Variants in KCNK1 observed in about 807,000 individuals in gnomAD.
KCNK1 encodes potassium channel subfamily K member 1.
In KCNK1, 10 loss-of-function variants were observed where a neutral mutation model predicts 22.2. The observed-to-expected ratio is 0.45, with a 90% CI of 0.28 to 0.76. The LOEUF (loss-of-function observed/expected upper bound fraction) is 0.76, where lower values mean the gene tolerates loss of function less well. Among genes scored for constraint, KCNK1 ranks in the 30% least tolerant of loss-of-function variants. KCNK1 has a pLI of 0.14. For missense variants in KCNK1, 378 were observed against 421.0 expected (o/e 0.90, Z 0.89); for synonymous variants, 200 against 186.4 (o/e 1.07, Z -0.60).
intron 1 of KCNK1, among the ~76,000 whole-genome samples, chr1:233,617,474 A>T (rs530153525): frequency 8.5e-5 from 13 of 152,358 alleles, no homozygotes; most frequent in African/African-American, 3.1e-4. Context: ...ATAAAATGCA[A>T]ATTAACAAGA....
chr1:233,659,580 A>G (rs1321137752), intron 1 of KCNK1, among the ~76,000 whole-genome samples: 1 of 151,426 alleles, frequency 6.6e-6, no homozygotes, highest in Non-Finnish European at 1.5e-5. Flanking sequence ...ATATACATAC[A>G]CTATAATCGT....
intron 1 of KCNK1, among the ~76,000 whole-genome samples, chr1:233,662,238 C>CTTCTTCTT (rs1658406798): frequency 6.7e-6 from 1 of 149,460 alleles, no homozygotes. Context: ...TTCTTCTTCT[C>CTTCTTCTT]CTTCTTCTTC....
chr1:233,619,921 G>A (rs1281356985), intron 1 of KCNK1, among the ~76,000 whole-genome samples: 1 of 140,242 alleles, frequency 7.1e-6, no homozygotes, highest in Admixed American at 7.0e-5. Context: ...TAAGCGAGGG[G>A]GGCGGGGGGG....
intron 1 of KCNK1, among the ~76,000 whole-genome samples, chr1:233,631,995 C>G (rs1657805891): frequency 6.6e-6 from 1 of 152,184 alleles, no homozygotes; most frequent in South Asian, 2.1e-4. Flanking sequence ...CCCTGGAAGT[C>G]AGTTGGACAG....
intron 1 of KCNK1, among the ~76,000 whole-genome samples, chr1:233,655,517 T>C (rs1658276149): frequency 6.6e-6 from 1 of 152,148 alleles, no homozygotes; most frequent in Non-Finnish European, 1.5e-5. Flanking sequence ...AGGGGTAGAA[T>C]GTTATGGTCT....
At chr1:233,617,290 A>G (rs1299826820) in intron 1 of KCNK1, among the ~76,000 whole-genome samples, 1 of 152,220 alleles carries the variant, frequency 6.6e-6, no homozygotes, top group East Asian at 1.9e-4. Flanking sequence ...TAAAGTCTTC[A>G]TGGTCTACTT....
Position 233,614,139 on chromosome 1 carries a change from G to A in KCNK1, c.-33G>A. 3 of 1,257,782 alleles carry A rather than the reference G, an allele frequency of 2.4e-6. No individual in the cohort carries two copies. In the South Asian group the frequency reaches 5.1e-5, roughly 21 times the overall value. The allele number at this position is 1,257,782 out of a possible 1,614,324, so 77.9% of individuals were successfully genotyped here. A position where few individuals can be genotyped will look rare whatever the true frequency, so the allele number is the denominator to read the frequency against. ...CGGCGGGCCGCGCTCCGGCCGGTCT[G>A]CGGCGTTGGCCTTGGCGGCGGCGGT... On this transcript the variant is annotated 5_prime_UTR_variant, in exon 1 of 3. Transcript: ENST00000366621.
intron 1 of KCNK1, among the ~76,000 whole-genome samples, chr1:233,624,504 C>G (rs1392595270): frequency 6.6e-6 from 1 of 152,148 alleles, no homozygotes; most frequent in Non-Finnish European, 1.5e-5. Context: ...CACCTGGTTC[C>G]CATAGCACCT....
chr1:233,660,585 C>A (rs1658372953), intron 1 of KCNK1: 1 of 152,106 alleles, frequency 6.6e-6, no homozygotes, highest in African/African-American at 2.4e-5. Context: ...GTTCTCGGAC[C>A]CTTGATAGAT....
At chr1:233,639,734 G>T (rs1357452002) in intron 1 of KCNK1, among the ~76,000 whole-genome samples, 1 of 152,168 alleles carries the variant, frequency 6.6e-6, no homozygotes, top group South Asian at 2.1e-4. Context: ...TGGTCATCTC[G>T]TGAACGTGGC....
At chr1:233,653,431 G>A (rs1033428600) in intron 1 of KCNK1, among the ~76,000 whole-genome samples, 20 of 151,060 alleles carry the variant, frequency 1.3e-4, no homozygotes, top group African/African-American at 4.9e-4. Flanking sequence ...CAATTTGACT[G>A]GGCTAGAGGA....
At chr1:233,644,967 GGT>G (rs1350106479) in intron 1 of KCNK1, among the ~76,000 whole-genome samples, 7 of 152,114 alleles carry the variant, frequency 4.6e-5, no homozygotes, top group Non-Finnish European at 1.0e-4. Context: ...GGCCAAGGCG[GGT>G]GGATCACGAG....
rs540149329 is a variant in KCNK1, at chr1:233,620,508, C to CTT, written c.355+5990_355+5991dup. ...ACTTGTGATCCAATTTGTGTCACTG[C>CTT]TTTTTTTTTCCTTTAATGATGACAG... is the stretch of plus-strand genomic sequence containing the variant. On this transcript the variant is annotated intron_variant, in intron 1 of 2. Coordinates refer to ENST00000366621, the MANE Select transcript of KCNK1 (RefSeq NM_002245.4). Among the ~76,000 whole-genome samples, 209 of 151,192 alleles carry CTT rather than the reference C, an allele frequency of 1.4e-3. 1 individual carries two copies. Among genetic ancestry groups the CTT allele is most frequent in the African/African-American group, 4.9e-3 (202 of 41,236 alleles).
intron 1 of KCNK1, among the ~76,000 whole-genome samples, chr1:233,664,158 A>T (rs1050363038): frequency 2.0e-5 from 3 of 152,076 alleles, no homozygotes; most frequent in African/African-American, 7.2e-5. Context: ...GGTTAAATAA[A>T]GTTCCATTTT....
chr1:233,625,573 C>G (rs1406455516), intron 1 of KCNK1, among the ~76,000 whole-genome samples: 1 of 152,084 alleles, frequency 6.6e-6, no homozygotes. Context: ...TTATCATTTT[C>G]TGAGCTCCAG....
intron 1 of KCNK1, among the ~76,000 whole-genome samples, chr1:233,620,573 A>C (rs1377651724): frequency 6.6e-6 from 1 of 152,230 alleles, no homozygotes; most frequent in South Asian, 2.1e-4. Flanking sequence ...TAAAATGTGC[A>C]ATAAATACTA....
At chr1:233,657,570 G>A (rs1043662108) in intron 1 of KCNK1, among the ~76,000 whole-genome samples, 7 of 151,144 alleles carry the variant, frequency 4.6e-5, no homozygotes, top group African/African-American at 1.7e-4. Flanking sequence ...ATAAGGAACT[G>A]TGTAATTATG....
chr1:233,640,920 G>A (rs1657989095), intron 1 of KCNK1, among the ~76,000 whole-genome samples: 1 of 152,178 alleles, frequency 6.6e-6, no homozygotes, highest in African/African-American at 2.4e-5. Context: ...GGCCAGGCTG[G>A]TCTTGAACTC....
At chr1:233,660,261 T>G (rs913231340) in intron 1 of KCNK1, among the ~76,000 whole-genome samples, 1 of 152,228 alleles carries the variant, frequency 6.6e-6, no homozygotes, top group Non-Finnish European at 1.5e-5. Context: ...CATCCTATCT[T>G]ACTTAGCTGG....
Sources: gnomAD v4.1 joint callset for allele counts (sites outside exome capture counted in the v4.1 genomes callset) on GRCh38, gnomAD v4.1.1 for gene constraint, MANE v1.5 for transcripts, NCBI Gene and HGNC (gene_info 2026-07-23, HGNC 2026-07-21) for gene names.